Variants in FSD1L observed in about 807,000 individuals in gnomAD.
FSD1L encodes FSD1-like protein.
Under a neutral mutation model 71.6 loss-of-function variants are expected in FSD1L, and 45 were observed. The ratio of observed to expected loss-of-function variants is 0.63; its 90% CI spans 0.49 to 0.81. The LOEUF (loss-of-function observed/expected upper bound fraction) is 0.81, where lower values mean the gene tolerates loss of function less well. Among genes scored for constraint, FSD1L ranks in the 30% least tolerant of loss-of-function variants. The probability of loss-of-function intolerance (pLI) is 0.00; values close to 1 mark genes in which losing one functional copy is unlikely to be tolerated. For missense variants in FSD1L, 561 were observed against 618.1 expected (o/e 0.91, Z 0.98); for synonymous variants, 197 against 207.2 (o/e 0.95, Z 0.42).
At chr9:105,483,644 C>T (rs1407862408) in intron 6 of FSD1L, among the ~76,000 whole-genome samples, 1 of 152,128 alleles carries the variant, frequency 6.6e-6, no homozygotes, top group Non-Finnish European at 1.5e-5. Context: ...ATTCTCTGTA[C>T]TTTGGATAAA....
chr9:105,464,031 A>G (rs184517984), intron 2 of FSD1L, among the ~76,000 whole-genome samples: 1 of 152,318 alleles, frequency 6.6e-6, no homozygotes, highest in East Asian at 1.9e-4. Flanking sequence ...CATATTAGGA[A>G]TAAGAGGGCT....
rs1183404957 is a variant in FSD1L at position 105,543,882 on chromosome 9, G to A, written c.1468-2476G>A. ...AGTCTTTGCTATTGTGAATAGTGCCGCAATAAACATACATGTGCATGTGTC... is the reference window on the plus strand; with the variant it reads ...AGTCTTTGCTATTGTGAATAGTGCCACAATAAACATACATGTGCATGTGTC... On this transcript the variant is annotated intron_variant, in intron 13 of 13. Coordinates refer to ENST00000481272, the MANE Select transcript of FSD1L (RefSeq NM_001145313.3). 5.3e-5 allele frequency among the ~76,000 whole-genome samples: 8 copies of A among 152,182 alleles called. No homozygotes were observed. In the East Asian group the frequency reaches 9.6e-4, roughly 18 times the overall value.
At chr9:105,499,081 T>A (rs1833609332) in intron 7 of FSD1L, among the ~76,000 whole-genome samples, 1 of 152,246 alleles carries the variant, frequency 6.6e-6, no homozygotes, top group African/African-American at 2.4e-5. Context: ...GCAAATGTTC[T>A]ATAGGAGCTT....
rs1254946391 is a variant in FSD1L, at chr9:105,506,458, G to C, written c.646G>C (p.Val216Leu). ...ECLVADNSVT[V>L]AWRMPEEDNK... Reference sequence around the variant, plus strand: ...TTTGGTGGCAGATAACTCTGTAACAGTGGCTTGGAGAATGCCAGAAGAAGA... The same window carrying C: ...TTTGGTGGCAGATAACTCTGTAACACTGGCTTGGAGAATGCCAGAAGAAGA... The change falls in exon 8 of 14, where the codon GTG becomes CTG. Residue 216 changes from valine to leucine, a missense_variant. Val to Leu is a conservative substitution (Grantham distance 32). Transcript: ENST00000481272. The C allele has an allele frequency of 3.1e-5, 48 of 1,551,414 alleles. No homozygotes were observed. The highest frequency in any genetic ancestry group is 3.7e-5 in the Non-Finnish European group (43 of 1,146,920).
chr9:105,468,156 G>A (rs890715743), intron 3 of FSD1L, 37 bp from the exon 4 acceptor site: 55 of 1,323,270 alleles, frequency 4.2e-5, no homozygotes, highest in African/African-American at 2.2e-4. Flanking sequence ...GTTTGATAGC[G>A]CTTCAGTAAA....
intron 1 of FSD1L, among the ~76,000 whole-genome samples, chr9:105,452,673 T>TCCTG (rs1196534717): frequency 1.1e-3 from 88 of 79,720 alleles, no homozygotes; most frequent in African/African-American, 5.2e-3. Context: ...CTGCCTGCCT[T>TCCTG]CCTTCCTTCC....
At chr9:105,536,917 A>G (rs1004118008) in intron 12 of FSD1L, among the ~76,000 whole-genome samples, 3 of 152,278 alleles carry the variant, frequency 2.0e-5, no homozygotes, top group East Asian at 1.9e-4. Context: ...GATTACTGCC[A>G]TGAGCCACCA....
chr9:105,447,822 C>T (rs1183132197), upstream of FSD1L: 11 of 301,894 alleles, frequency 3.6e-5, 1 homozygote, highest in East Asian at 1.0e-3. Flanking sequence ...TCCGCACCGG[C>T]CGGCTGCTGG....
At chr9:105,542,237 G>C (rs1034183524) in intron 13 of FSD1L, among the ~76,000 whole-genome samples, 1 of 152,142 alleles carries the variant, frequency 6.6e-6, no homozygotes, top group Admixed American at 6.5e-5. Flanking sequence ...TGATATGAGA[G>C]TTGGTCATAT....
rs1836205983 is a variant in FSD1L, at chr9:105,535,448, T to G, written c.1378+130T>G. 1.4e-5 allele frequency: 13 copies of G among 931,878 alleles called. No homozygotes were observed. In the South Asian group the frequency reaches 1.9e-4, roughly 13 times the overall value. 57.7% of individuals were successfully genotyped at this position (931,878 alleles called of 1,614,324 possible). A position where few individuals can be genotyped will look rare whatever the true frequency, so the allele number is the denominator to read the frequency against. ...CATTTTGATCAGGTAGGCTTTTGATTGCAATCATAATCTCAATTCTAGAAT... is the reference window on the plus strand; with the variant it reads ...CATTTTGATCAGGTAGGCTTTTGATGGCAATCATAATCTCAATTCTAGAAT... On this transcript the variant is annotated intron_variant, in intron 12 of 13. Transcript: ENST00000481272.
In FSD1L at chr9:105,534,893, GGTAAA is replaced by G. The variant is rs1290940203; in HGVS notation, c.1127-171_1127-167del. On this transcript the variant is annotated intron_variant, in intron 11 of 13. Transcript: ENST00000481272. The stretch of plus-strand genomic sequence containing the variant: ...ATTCAAGAATAGTACTAAACGTAAA[GGTAAA>G]GTTAGAGCAGGTACTCAGCATTTAA... 4.6e-5 allele frequency among the ~76,000 whole-genome samples: 7 copies of G among 152,316 alleles called. No homozygotes were observed. The East Asian group carries it at 1.2e-3, about 25-fold the overall frequency.
intron 9 of FSD1L, among the ~76,000 whole-genome samples, chr9:105,510,136 A>AT (rs941516040): frequency 6.6e-6 from 1 of 152,182 alleles, no homozygotes; most frequent in African/African-American, 2.4e-5. Flanking sequence ...GGCTGCTCCT[A>AT]TTAGCAGTGA....
intron 10 of FSD1L, chr9:105,524,513 A>C (rs1053915334): frequency 1.2e-6 from 2 of 1,613,936 alleles, no homozygotes; most frequent in Non-Finnish European, 1.7e-6. Context: ...AAAGCGATAA[A>C]ACAGAAAAAT....
At chr9:105,494,886 C>T (rs1833245151) in intron 7 of FSD1L, among the ~76,000 whole-genome samples, 2 of 152,104 alleles carry the variant, frequency 1.3e-5, no homozygotes, top group South Asian at 4.2e-4. Flanking sequence ...AGTACCCGGC[C>T]GTGTGAGGTG....
intron 5 of FSD1L, among the ~76,000 whole-genome samples, chr9:105,475,433 A>G (rs1222288098): frequency 3.3e-5 from 5 of 152,288 alleles, no homozygotes; most frequent in South Asian, 2.1e-4. Context: ...ATTGAGTGTT[A>G]GGCTCTGACC....
intron 7 of FSD1L, among the ~76,000 whole-genome samples, chr9:105,490,167 T>C (rs1013167308): frequency 2.6e-5 from 4 of 152,218 alleles, no homozygotes; most frequent in Admixed American, 6.5e-5. Context: ...CCAGCACCTG[T>C]TGTTTCCTGA....
intron 10 of FSD1L, among the ~76,000 whole-genome samples, chr9:105,528,956 A>C (rs2768293): frequency 0.13 from 19,138 of 152,254 alleles, 1,536 homozygotes; most frequent in Admixed American, 0.23. Flanking sequence ...CCCCATCGAA[A>C]AGTGGGCAAA....
At chr9:105,544,855 T>C (rs1240584136) in intron 13 of FSD1L, among the ~76,000 whole-genome samples, 2 of 152,188 alleles carry the variant, frequency 1.3e-5, no homozygotes, top group African/African-American at 2.4e-5. Context: ...TGAAGTCAGG[T>C]AGCGTGATGC....
chr9:105,513,916 C>T (rs1834545179), intron 10 of FSD1L, among the ~76,000 whole-genome samples: 1 of 152,116 alleles, frequency 6.6e-6, no homozygotes, highest in African/African-American at 2.4e-5. Context: ...TCTGCTTTTA[C>T]TCATACCTGG....
Sources: allele counts gnomAD v4.1 joint callset (sites outside exome capture counted in the v4.1 genomes callset), GRCh38; gene constraint gnomAD v4.1.1; transcripts MANE v1.5; gene names NCBI Gene and HGNC (gene_info 2026-07-23, HGNC 2026-07-21).